CHSY3: variants seen among roughly 807,000 people sequenced by gnomAD.
The protein encoded by CHSY3 is chondroitin sulfate synthase 3.
CHSY3 carries 35 observed loss-of-function variants against 67.2 expected under a neutral mutation model. That is an observed-to-expected ratio of 0.52 (90% confidence interval 0.40 to 0.69). CHSY3 has a LOEUF of 0.69. Ranked by LOEUF, CHSY3 falls within the 30% of genes least tolerant of loss-of-function variation. The pLI, the probability that CHSY3 is intolerant of heterozygous loss-of-function variation, is 0.00. For synonymous variants in CHSY3, 474 were observed against 434.7 expected, an observed-to-expected ratio of 1.09 and a Z score of -1.12; for missense variants, 1,069 against 1,138.5, an observed-to-expected ratio of 0.94 and a Z score of 0.88.
intron 2 of CHSY3, among the ~76,000 whole-genome samples, chr5:130,083,972 T>C (rs1766524588): frequency 6.6e-6 from 1 of 151,956 alleles, no homozygotes; most frequent in Admixed American, 6.6e-5. Flanking sequence ...GAAATATGCA[T>C]TTTTTTCAAA....
intron 2 of CHSY3, among the ~76,000 whole-genome samples, chr5:129,910,207 A>C (rs983579076): frequency 3.3e-5 from 5 of 152,004 alleles, no homozygotes; most frequent in African/African-American, 9.7e-5. Flanking sequence ...TGTAAGAGCA[A>C]ACAAAAGAGA....
At chr5:130,060,241 G>A (rs1030730010) in intron 2 of CHSY3, among the ~76,000 whole-genome samples, 2 of 152,184 alleles carry the variant, frequency 1.3e-5, no homozygotes, top group African/African-American at 4.8e-5. Flanking sequence ...TTTATTCTAG[G>A]ATGCAAGGAT....
intron 2 of CHSY3, among the ~76,000 whole-genome samples, chr5:129,992,911 AT>A (rs1231301284): frequency 1.3e-5 from 2 of 152,252 alleles, no homozygotes; most frequent in East Asian, 3.9e-4. Flanking sequence ...ACACATATCT[AT>A]TATTATCGTT....
intron 2 of CHSY3, among the ~76,000 whole-genome samples, chr5:129,969,815 A>C (rs1762587315): frequency 6.6e-6 from 1 of 151,912 alleles, no homozygotes; most frequent in African/African-American, 2.4e-5. Context: ...GCTTGAGAAA[A>C]ATAGTTTACT....
rs112992619 is a variant in CHSY3, at chr5:130,143,770, A to G, written c.1087-40459A>G. ...TATATATATATATGTGTGTGTGTGT[A>G]TATATATATATGTGTATATATATAT... is the stretch of plus-strand genomic sequence containing the variant. On this transcript the variant is annotated intron_variant, in intron 2 of 2. Transcript: ENST00000305031. Among the ~76,000 whole-genome samples, 422 of 82,408 alleles carry G rather than the reference A, an allele frequency of 5.1e-3. 17 individuals are homozygous for G. The highest frequency in any genetic ancestry group is 0.024 in the East Asian group (48 of 2,026). 54.1% of individuals were successfully genotyped at this position (82,408 alleles called of 152,430 possible). A position where few individuals can be genotyped will look rare whatever the true frequency, so the allele number is the denominator to read the frequency against.
chr5:129,976,699 G>A (rs952747102), intron 2 of CHSY3, among the ~76,000 whole-genome samples: 2 of 151,924 alleles, frequency 1.3e-5, no homozygotes, highest in Non-Finnish European at 2.9e-5. Context: ...ATTTTTGGCT[G>A]TGTAGGAACT....
chr5:130,170,633 C>T (rs1769871914), intron 2 of CHSY3, among the ~76,000 whole-genome samples: 1 of 152,054 alleles, frequency 6.6e-6, no homozygotes, highest in Non-Finnish European at 1.5e-5. Context: ...ATTTTATCTG[C>T]ATTCATGCCA....
chr5:130,011,103 G>A (rs1044137644), intron 2 of CHSY3, among the ~76,000 whole-genome samples: 1 of 152,042 alleles, frequency 6.6e-6, no homozygotes, highest in Non-Finnish European at 1.5e-5. Flanking sequence ...GAGAAAGCAG[G>A]ACCCTTCCTA....
chr5:129,904,639 C>A lies in CHSY3; in HGVS notation c.-191C>A. On this transcript the variant is annotated 5_prime_UTR_variant, in exon 1 of 3. Coordinates refer to ENST00000305031, the MANE Select transcript of CHSY3 (RefSeq NM_175856.5). The stretch of plus-strand genomic sequence containing the variant: ...CCCGGCCCAGAGCTGAGCGGGAGCC[C>A]GGCAGGCAGCTGCAGCCCGCGGCAG... 1 of 916,110 alleles carries A rather than the reference C, an allele frequency of 1.1e-6. No homozygotes were observed. The highest frequency in any genetic ancestry group is 5.3e-5 in the South Asian group (1 of 18,882). The allele number at this position is 916,110 out of a possible 1,614,324, so 56.7% of individuals were successfully genotyped here.
At chr5:130,071,994 T>C (rs956116702) in intron 2 of CHSY3, among the ~76,000 whole-genome samples, 15 of 152,086 alleles carry the variant, frequency 9.9e-5, no homozygotes, top group African/African-American at 2.9e-4. Context: ...TTCATGTCTC[T>C]TTTTTTGAGA....
intron 2 of CHSY3, among the ~76,000 whole-genome samples, chr5:130,016,923 T>C (rs1430026476): frequency 2.0e-5 from 3 of 152,132 alleles, no homozygotes; most frequent in Admixed American, 6.5e-5. Context: ...AGAGAGAGGA[T>C]GATCAACCGA....
chr5:130,120,486 GAAA>G (rs34727574), intron 2 of CHSY3, among the ~76,000 whole-genome samples: 1,259 of 95,838 alleles, frequency 0.013, 10 homozygotes, highest in African/African-American at 0.041. Context: ...ATTTCTGAAA[GAAA>G]AAAAAAAAAA....
At chr5:130,021,213 T>C (rs951747866) in intron 2 of CHSY3, among the ~76,000 whole-genome samples, 14 of 152,222 alleles carry the variant, frequency 9.2e-5, no homozygotes, top group African/African-American at 3.4e-4. Context: ...ATCAGCATTA[T>C]TTACAAAGTC....
At chr5:130,066,526 G>T (rs150183741) in intron 2 of CHSY3, among the ~76,000 whole-genome samples, 136 of 152,198 alleles carry the variant, frequency 8.9e-4, no homozygotes, top group South Asian at 1.5e-3. Context: ...GGTGTATAGT[G>T]TAGTAGGACT....
At chr5:130,077,330 T>C (rs971864261) in intron 2 of CHSY3, among the ~76,000 whole-genome samples, 1 of 152,006 alleles carries the variant, frequency 6.6e-6, no homozygotes, top group South Asian at 2.1e-4. Flanking sequence ...ATATAGACAG[T>C]CCCTTCTCCT....
At chr5:130,149,132 C>G (rs6874564) in intron 2 of CHSY3, among the ~76,000 whole-genome samples, 1,994 of 152,274 alleles carry the variant, frequency 0.013, 45 homozygotes, top group African/African-American at 0.046. Flanking sequence ...GTTATCCCAG[C>G]ACCATTTATT....
At chr5:129,934,824 C>A (rs1378515525) in intron 2 of CHSY3, among the ~76,000 whole-genome samples, 1 of 152,108 alleles carries the variant, frequency 6.6e-6, no homozygotes, top group African/African-American at 2.4e-5. Context: ...AAACAGGTTG[C>A]TTTATTAAAA....
At chr5:129,909,495 C>T in intron 2 of CHSY3, among the ~76,000 whole-genome samples, 1 of 151,950 alleles carries the variant, frequency 6.6e-6, no homozygotes, top group East Asian at 1.9e-4. Context: ...GGTATTTATA[C>T]TTTGGGGACA....
rs1341927745 is a variant in CHSY3, at chr5:130,101,709, T to C, written c.1087-82520T>C. On this transcript the variant is annotated intron_variant, in intron 2 of 2. Coordinates refer to ENST00000305031, the MANE Select transcript of CHSY3 (RefSeq NM_175856.5). ...GAAATTATTCCTCTTGTCTAACTTA[T>C]ATTTCGAAATTTACATTTAGGTAGA... Among the ~76,000 whole-genome samples, 3 of 152,112 alleles carry C rather than the reference T, an allele frequency of 2.0e-5. No individual in the cohort carries two copies. In the East Asian group the frequency reaches 5.8e-4, roughly 29 times the overall value.
Sources: gnomAD v4.1 joint callset for allele counts (sites outside exome capture counted in the v4.1 genomes callset) on GRCh38, gnomAD v4.1.1 for gene constraint, MANE v1.5 for transcripts, NCBI Gene and HGNC (gene_info 2026-07-23, HGNC 2026-07-21) for gene names.